The following RUNX1 variants were observed in gnomAD, a reference collection of about 807,000 sequenced individuals.
The protein encoded by RUNX1 is RUNX family transcription factor 1, also known as runt-related transcription factor 1.
Under a neutral mutation model 42.8 loss-of-function variants are expected in RUNX1, and 19 were observed. The ratio of observed to expected loss-of-function variants is 0.44; its 90% CI spans 0.31 to 0.65. RUNX1 has a LOEUF of 0.65. RUNX1 is among the 30% of genes least tolerant of loss of function. The probability of loss-of-function intolerance (pLI) is 0.07; values close to 1 mark genes in which losing one functional copy is unlikely to be tolerated. For synonymous variants in RUNX1, 271 were observed against 289.4 expected (o/e 0.94, Z 0.64); for missense variants, 528 against 672.0 (o/e 0.79, Z 2.37).
intron 2 of RUNX1, among the ~76,000 whole-genome samples, chr21:34,996,034 A>T (rs1054416160): frequency 5.3e-5 from 8 of 152,212 alleles, no homozygotes; most frequent in African/African-American, 1.9e-4. Flanking sequence ...GAATTCTTTG[A>T]ATATTTTCTA....
At chr21:34,801,055 AAATAGCAGACGGTTC>A (rs2145915715) in intron 7 of RUNX1, among the ~76,000 whole-genome samples, 1 of 152,258 alleles carries the variant, frequency 6.6e-6, no homozygotes, top group African/African-American at 2.4e-5. Context: ...AGGCAAACAG[AAATAGCAGACGGTTC>A]AATATCCCCA....
In RUNX1 at chr21:34,829,087, A is replaced by G. The variant is rs893998834; in HGVS notation, c.805+5323T>C. On this transcript the variant is annotated intron_variant, in intron 7 of 8. Coordinates refer to ENST00000675419, the MANE Select transcript of RUNX1 (RefSeq NM_001754.5). ...AGAAAACTAAGGCTTTAAAAGGTTA[A>G]GTAACTTGCCAAAAGTCCTATAGTG... 2.6e-5 allele frequency among the ~76,000 whole-genome samples: 4 copies of G among 152,232 alleles called. No individual in the cohort carries two copies. The East Asian group carries it at 7.7e-4, about 29-fold the overall frequency.
At chr21:34,930,323 T>C (rs2058433904) in intron 2 of RUNX1, among the ~76,000 whole-genome samples, 1 of 146,974 alleles carries the variant, frequency 6.8e-6, no homozygotes, top group Non-Finnish European at 1.5e-5. Flanking sequence ...CAACTAACAT[T>C]AGCCATTGAA....
chr21:34,849,314 ATATATATATTATATATAC>A (rs2057367029), intron 6 of RUNX1, among the ~76,000 whole-genome samples: 2 of 37,594 alleles, frequency 5.3e-5, no homozygotes, highest in African/African-American at 9.7e-5. Context: ...AATATATATT[ATATATATATTATATATAC>A]TATATATATT....
At chr21:34,808,003 TAAG>T (rs1275303136) in intron 7 of RUNX1, among the ~76,000 whole-genome samples, 1 of 152,176 alleles carries the variant, frequency 6.6e-6, no homozygotes, top group Non-Finnish European at 1.5e-5. Flanking sequence ...ACAGCACAAG[TAAG>T]AAGAGCAGTC....
chr21:34,871,542 C>T (rs2057737503), intron 5 of RUNX1, among the ~76,000 whole-genome samples: 1 of 152,184 alleles, frequency 6.6e-6, no homozygotes, highest in African/African-American at 2.4e-5. Flanking sequence ...ACTGGGAACA[C>T]CTAGGGGAGT....
At chr21:34,830,742 G>A (rs1010701398) in intron 7 of RUNX1, among the ~76,000 whole-genome samples, 3 of 152,166 alleles carry the variant, frequency 2.0e-5, no homozygotes, top group African/African-American at 7.2e-5. Flanking sequence ...GATACCACAG[G>A]ATTGTTGAGG....
At position 34,788,929 on chromosome 21, in the gene RUNX1, A is replaced by G; in HGVS notation, c.*3206T>C. ...ATGTCCCAAAGAAACAGGTATTTCAAGGCAGAAATCTGCAATCCTAAATTG... is the reference window on the plus strand; with the variant it reads ...ATGTCCCAAAGAAACAGGTATTTCAGGGCAGAAATCTGCAATCCTAAATTG... On this transcript the variant is annotated 3_prime_UTR_variant, in exon 9 of 9. Coordinates refer to ENST00000675419, the MANE Select transcript of RUNX1 (RefSeq NM_001754.5). 4.3e-6 allele frequency: 1 copy of G among 233,358 alleles called. No individual in the cohort carries two copies. Among genetic ancestry groups the G allele is most frequent in the Non-Finnish European group, 8.5e-6 (1 of 118,072 alleles). 14.5% of individuals were successfully genotyped at this position (233,358 alleles called of 1,614,324 possible).
At chr21:34,969,664 G>A (rs1032781301) in intron 2 of RUNX1, among the ~76,000 whole-genome samples, 8 of 151,652 alleles carry the variant, frequency 5.3e-5, no homozygotes, top group African/African-American at 1.7e-4. Flanking sequence ...CTCTTAGCTG[G>A]GTCTGCATAT....
In RUNX1 at chr21:34,838,689, A is replaced by T. The variant is rs185221227; in HGVS notation, c.614-4088T>A. On this transcript the variant is annotated intron_variant, in intron 6 of 8. Transcript: ENST00000675419. ...GTTTTATGACAATGGAAAAGAAATC[A>T]ATGTGTGTAGAGAACAGCTTACTTT... Among the ~76,000 whole-genome samples the T allele has an allele frequency of 1.5e-3, 224 of 152,274 alleles. 3 individuals carry two copies. Among genetic ancestry groups the T allele is most frequent in the Non-Finnish European group, 3.4e-4 (23 of 68,024 alleles).
intron 7 of RUNX1, among the ~76,000 whole-genome samples, chr21:34,817,082 G>A (rs547632061): frequency 3.3e-4 from 50 of 152,280 alleles, no homozygotes; most frequent in African/African-American, 1.1e-3. Flanking sequence ...CAGGGCTAAG[G>A]GAACCTATGC....
intron 2 of RUNX1, among the ~76,000 whole-genome samples, chr21:35,006,043 G>A (rs918287452): frequency 1.3e-5 from 2 of 152,196 alleles, no homozygotes; most frequent in African/African-American, 4.8e-5. Flanking sequence ...TCACATCATT[G>A]TTGGCAGGCT....
intron 3 of RUNX1, among the ~76,000 whole-genome samples, chr21:34,892,685 C>T (rs1359497098): frequency 6.6e-6 from 1 of 152,068 alleles, no homozygotes; most frequent in Non-Finnish European, 1.5e-5. Context: ...CAGAATGCAC[C>T]TATGGTAAAC....
intron 2 of RUNX1, among the ~76,000 whole-genome samples, chr21:34,939,427 G>T (rs1036714894): frequency 2.6e-5 from 4 of 152,150 alleles, no homozygotes; most frequent in African/African-American, 9.7e-5. Flanking sequence ...CATTGGAGAA[G>T]AATATAATGA....
chr21:34,899,508 A>C (rs1049041260), intron 2 of RUNX1, among the ~76,000 whole-genome samples: 4 of 152,098 alleles, frequency 2.6e-5, no homozygotes, highest in African/African-American at 7.2e-5. Context: ...GAGGAAATAC[A>C]TGTCTGCTGT....
intron 5 of RUNX1, among the ~76,000 whole-genome samples, chr21:34,871,523 C>T (rs1253890115): frequency 6.6e-6 from 1 of 152,188 alleles, no homozygotes; most frequent in Non-Finnish European, 1.5e-5. Context: ...GCAGGCTCTA[C>T]CTTGATGCAC....
intron 2 of RUNX1, among the ~76,000 whole-genome samples, chr21:34,976,946 A>G (rs1233819600): frequency 6.6e-6 from 1 of 152,188 alleles, no homozygotes; most frequent in Non-Finnish European, 1.5e-5. Context: ...GAAGTCTTGA[A>G]TTTACTCTTG....
intron 6 of RUNX1, among the ~76,000 whole-genome samples, chr21:34,839,521 G>A (rs191346786): frequency 4.5e-4 from 68 of 152,278 alleles, no homozygotes; most frequent in African/African-American, 1.5e-3. Context: ...TCAGAGACAC[G>A]AAAGCACTTG....
chr21:34,807,536 G>A (rs2056696546), intron 7 of RUNX1, among the ~76,000 whole-genome samples: 1 of 152,128 alleles, frequency 6.6e-6, no homozygotes, highest in Non-Finnish European at 1.5e-5. Flanking sequence ...ATAAACCCTA[G>A]GGGCAGCCCT....
Sources: allele counts gnomAD v4.1 joint callset (sites outside exome capture counted in the v4.1 genomes callset), GRCh38; gene constraint gnomAD v4.1.1; transcripts MANE v1.5; gene names NCBI Gene and HGNC (gene_info 2026-07-23, HGNC 2026-07-21).